LHFPL6: variants seen among roughly 807,000 people sequenced by gnomAD.
The protein encoded by LHFPL6 is LHFPL tetraspan subfamily member 6.
A neutral mutation model predicts 20.6 loss-of-function variants in LHFPL6; 9 were observed. That is an observed-to-expected ratio of 0.44 (90% CI 0.26 to 0.76). The LOEUF (loss-of-function observed/expected upper bound fraction) is 0.76. Ranked by LOEUF, LHFPL6 falls within the 30% of genes least tolerant of loss-of-function variation. The pLI is 0.20. For synonymous variants in LHFPL6, 105 were observed against 98.7 expected, an observed-to-expected ratio of 1.06 and a Z score of -0.38; for missense variants, 218 against 253.5, an observed-to-expected ratio of 0.86 and a Z score of 0.95.
At chr13:39,510,659 C>T (rs556550656) in intron 2 of LHFPL6, among the ~76,000 whole-genome samples, 159 of 152,234 alleles carry the variant, frequency 1.0e-3, no homozygotes, top group African/African-American at 3.8e-3. Context: ...CACACACACA[C>T]ACAATGGAGA....
intron 2 of LHFPL6, among the ~76,000 whole-genome samples, chr13:39,465,333 A>G (rs1872777962): frequency 6.6e-6 from 1 of 152,204 alleles, no homozygotes; most frequent in Non-Finnish European, 1.5e-5. Context: ...CAAGACATTC[A>G]GCAAGGTGAC....
chr13:39,563,880 C>T (rs773299620), intron 2 of LHFPL6, among the ~76,000 whole-genome samples: 1 of 152,072 alleles, frequency 6.6e-6, no homozygotes, highest in Non-Finnish European at 1.5e-5. Flanking sequence ...CTCAGAGCCT[C>T]GGCTTTTTCC....
intron 3 of LHFPL6, among the ~76,000 whole-genome samples, chr13:39,347,208 T>C (rs555426995): frequency 6.6e-6 from 1 of 152,278 alleles, no homozygotes; most frequent in South Asian, 2.1e-4. Flanking sequence ...CTGTGTCTTG[T>C]CTCTGGCCAC....
intron 2 of LHFPL6, among the ~76,000 whole-genome samples, chr13:39,517,285 G>A (rs1168139407): frequency 6.6e-6 from 1 of 152,124 alleles, no homozygotes; most frequent in East Asian, 1.9e-4. Context: ...GACACCACAC[G>A]TTAAGCCAGT....
chr13:39,373,913 T>C (rs367910930), intron 3 of LHFPL6, among the ~76,000 whole-genome samples: 65 of 152,350 alleles, frequency 4.3e-4, no homozygotes, highest in African/African-American at 1.4e-3. Context: ...TGAATGCTTA[T>C]ACACTGTTGG....
At chr13:39,400,746 G>A (rs1870966747) in intron 2 of LHFPL6, among the ~76,000 whole-genome samples, 2 of 110,770 alleles carry the variant, frequency 1.8e-5, no homozygotes, top group South Asian at 6.4e-4. Context: ...TCCCGCCACT[G>A]CACTCCAGCC....
intron 2 of LHFPL6, among the ~76,000 whole-genome samples, chr13:39,436,955 GAAATCCACAGCTCT>G (rs1277334829): frequency 6.6e-6 from 1 of 152,186 alleles, no homozygotes; most frequent in Non-Finnish European, 1.5e-5. Flanking sequence ...GACCTGTGAT[GAAATCCACAGCTCT>G]AAATCCCCAG....
chr13:39,576,292 G>T (rs1337163327), intron 2 of LHFPL6, among the ~76,000 whole-genome samples: 1 of 152,158 alleles, frequency 6.6e-6, no homozygotes, highest in African/African-American at 2.4e-5. Context: ...AATGAGAATA[G>T]ATTGCTTAGG....
intron 2 of LHFPL6, among the ~76,000 whole-genome samples, chr13:39,599,959 T>C (rs1003508331): frequency 6.6e-6 from 1 of 152,222 alleles, no homozygotes; most frequent in Non-Finnish European, 1.5e-5. Flanking sequence ...GCACTATCTA[T>C]GGAGGTTGTC....
At chr13:39,522,059 A>G (rs1262691018) in intron 2 of LHFPL6, among the ~76,000 whole-genome samples, 1 of 152,030 alleles carries the variant, frequency 6.6e-6, no homozygotes, top group African/African-American at 2.4e-5. Context: ...CTAATCCACT[A>G]TGTGCACTAC....
intron 2 of LHFPL6, among the ~76,000 whole-genome samples, chr13:39,420,488 A>C (rs1871452966): frequency 2.6e-5 from 4 of 152,204 alleles, no homozygotes; most frequent in Admixed American, 2.6e-4. Flanking sequence ...GGTTTCCTTA[A>C]TGTATCAAAA....
intron 2 of LHFPL6, among the ~76,000 whole-genome samples, chr13:39,398,728 T>TG (rs1328274210): frequency 2.0e-5 from 3 of 152,166 alleles, no homozygotes; most frequent in Non-Finnish European, 4.4e-5. Context: ...TGGGGAGCGG[T>TG]GGGCAAGTGA....
intron 3 of LHFPL6, among the ~76,000 whole-genome samples, chr13:39,348,962 A>T (rs1262040364): frequency 6.6e-6 from 1 of 152,258 alleles, no homozygotes; most frequent in East Asian, 1.9e-4. Flanking sequence ...GCAGAAAATT[A>T]AGCAAAGATC....
At chr13:39,565,434 G>A (rs1871680397) in intron 2 of LHFPL6, among the ~76,000 whole-genome samples, 2 of 152,202 alleles carry the variant, frequency 1.3e-5, no homozygotes. Context: ...TTTTGGTGCT[G>A]TGGTTTTTAT....
intron 2 of LHFPL6, among the ~76,000 whole-genome samples, chr13:39,382,983 C>T (rs1482801101): frequency 2.6e-5 from 4 of 152,180 alleles, no homozygotes; most frequent in Non-Finnish European, 5.9e-5. Flanking sequence ...GGCTAATTGG[C>T]TATCACAGTG....
chr13:39,384,365 AC>A (rs759268683), intron 2 of LHFPL6, among the ~76,000 whole-genome samples: 21 of 152,224 alleles, frequency 1.4e-4, no homozygotes, highest in African/African-American at 3.4e-4. Context: ...TCAAATGTTA[AC>A]TAATTGTCTT....
At chr13:39,558,889 C>T (rs954833964) in intron 2 of LHFPL6, among the ~76,000 whole-genome samples, 4 of 152,190 alleles carry the variant, frequency 2.6e-5, no homozygotes, top group African/African-American at 7.2e-5. Context: ...AAAATCCTTA[C>T]TGGAAATGAT....
chr13:39,407,147 A>G (rs9566423), intron 2 of LHFPL6, among the ~76,000 whole-genome samples: 41,813 of 152,174 alleles, frequency 0.27, 6,091 homozygotes, highest in East Asian at 0.4. Flanking sequence ...GTATTAATTC[A>G]AATTTATTTG....
intron 2 of LHFPL6, among the ~76,000 whole-genome samples, chr13:39,492,895 G>A (rs1007324553): frequency 2.0e-5 from 3 of 152,002 alleles, no homozygotes; most frequent in Non-Finnish European, 2.9e-5. Flanking sequence ...GGTCAGGCTT[G>A]TCTTGAATTC....
Sources: gnomAD v4.1 joint callset for allele counts (sites outside exome capture counted in the v4.1 genomes callset) on GRCh38, gnomAD v4.1.1 for gene constraint, MANE v1.5 for transcripts, NCBI Gene and HGNC (gene_info 2026-07-23, HGNC 2026-07-21) for gene names.